RUBCNL: variants seen among roughly 807,000 people sequenced by gnomAD.
RUBCNL encodes the protein protein associated with UVRAG as autophagy enhancer.
Under a neutral mutation model 69.5 loss-of-function variants are expected in RUBCNL, and 62 were observed. The observed-to-expected ratio is 0.89, with a 90% CI of 0.73 to 1.10. The LOEUF is 1.10. Ranked by LOEUF, RUBCNL falls within the 50% of genes least tolerant of loss-of-function variation. The probability of loss-of-function intolerance (pLI) is 0.00; values close to 1 mark genes in which losing one functional copy is unlikely to be tolerated. For missense variants in RUBCNL, 768 were observed against 798.1 expected, an observed-to-expected ratio of 0.96 and a Z score of 0.45; for synonymous variants, 291 against 303.6, an observed-to-expected ratio of 0.96 and a Z score of 0.43.
intron 2 of RUBCNL, among the ~76,000 whole-genome samples, chr13:46,373,120 CGTGCCA>C (rs1373527200): frequency 2.0e-5 from 3 of 151,974 alleles, no homozygotes; most frequent in Non-Finnish European, 4.4e-5. Context: ...ATTACAGGCA[CGTGCCA>C]CCACGCCTGG....
At chr13:46,387,098 C>T in intron 1 of RUBCNL, 36 bp downstream of exon 1, 1 of 985,838 alleles carries the variant, frequency 1.0e-6, no homozygotes, top group South Asian at 4.7e-5. Context: ...CCACCCCGCG[C>T]CGCTCCCATC....
At chr13:46,360,455 A>G (rs1490805542) in intron 8 of RUBCNL, among the ~76,000 whole-genome samples, 1 of 152,236 alleles carries the variant, frequency 6.6e-6, no homozygotes, top group African/African-American at 2.4e-5. Flanking sequence ...AACCTCTCAG[A>G]CACAAATACT....
At chr13:46,355,294 CTT>C (rs34432929) in intron 10 of RUBCNL, among the ~76,000 whole-genome samples, 147 of 126,406 alleles carry the variant, frequency 1.2e-3, no homozygotes, top group African/African-American at 1.6e-3. Context: ...AAAGCCCGAG[CTT>C]TTTTTTTTTT....
At chr13:46,369,180 G>A (rs1400253392) in intron 3 of RUBCNL, among the ~76,000 whole-genome samples, 1 of 152,110 alleles carries the variant, frequency 6.6e-6, no homozygotes, top group African/African-American at 2.4e-5. Flanking sequence ...TTATGAGATC[G>A]CTTCTCTAGC....
intron 7 of RUBCNL, among the ~76,000 whole-genome samples, chr13:46,361,899 A>C (rs2048619924): frequency 6.6e-6 from 1 of 152,116 alleles, no homozygotes; most frequent in Non-Finnish European, 1.5e-5. Context: ...TATGAGTCTC[A>C]ATTTTTATGT....
At chr13:46,382,136 A>C (rs1437061598) in intron 1 of RUBCNL, among the ~76,000 whole-genome samples, 2 of 152,142 alleles carry the variant, frequency 1.3e-5, no homozygotes, top group African/African-American at 4.8e-5. Flanking sequence ...AGCATTTGGC[A>C]TGTAAATTCT....
chr13:46,379,726 C>CA (rs2049078239), intron 1 of RUBCNL, among the ~76,000 whole-genome samples: 1 of 152,204 alleles, frequency 6.6e-6, no homozygotes, highest in Admixed American at 6.5e-5. Flanking sequence ...TTACTAAGCA[C>CA]AGCCAGTAAT....
rs1459506259 is a variant in RUBCNL, at chr13:46,337,372, C to G, written c.*6013G>C. Among the ~76,000 whole-genome samples, 1 of 152,108 alleles carries G rather than the reference C, an allele frequency of 6.6e-6. No homozygotes were observed. The highest frequency in any genetic ancestry group is 6.6e-5 in the Admixed American group (1 of 15,262). On this transcript the variant is annotated 3_prime_UTR_variant, in exon 15 of 15. Transcript: ENST00000429979. ...CAGGATGGTCTCAATCTCCTGACCT[C>G]GTGATATGCCTGTCTCAGCCTGAGG... is the stretch of plus-strand genomic sequence containing the variant.
At chr13:46,383,351 T>C (rs2049162843) in intron 1 of RUBCNL, among the ~76,000 whole-genome samples, 1 of 152,162 alleles carries the variant, frequency 6.6e-6, no homozygotes, top group Non-Finnish European at 1.5e-5. Flanking sequence ...ACTGAGACCT[T>C]TCCCATCACC....
chr13:46,385,234 A>G, intron 1 of RUBCNL: 1 of 969,402 alleles, frequency 1.0e-6, no homozygotes, highest in Non-Finnish European at 1.2e-6. Flanking sequence ...GTTCAGAATA[A>G]GACAGCACAG....
rs1291475621 is a variant in RUBCNL, at chr13:46,377,982, C to T, written c.-215G>A. ...AGTCCATGCAGTAGTGACAGGAGGT[C>T]AATATCCCCATTTTTTATTTTATCT... On this transcript the variant is annotated 5_prime_UTR_variant, in exon 2 of 15. Transcript: ENST00000429979. 9 of 1,574,402 alleles carry T rather than the reference C, an allele frequency of 5.7e-6. No individual in the cohort carries two copies. The highest frequency in any genetic ancestry group is 7.7e-6 in the Non-Finnish European group (9 of 1,163,708).
At chr13:46,350,068 C>T (rs1406694844) in intron 11 of RUBCNL, 45 bp downstream of exon 11, 2 of 1,413,066 alleles carry the variant, frequency 1.4e-6, no homozygotes, top group Non-Finnish European at 1.9e-6. Flanking sequence ...TTTCCTGCCA[C>T]AGGACACTTC....
At chr13:46,369,862 T>C (rs1009662884) in intron 3 of RUBCNL, among the ~76,000 whole-genome samples, 1 of 152,232 alleles carries the variant, frequency 6.6e-6, no homozygotes, top group Non-Finnish European at 1.5e-5. Flanking sequence ...TTGCTTCATG[T>C]TCAAGAAAGT....
chr13:46,353,686 C>T (rs2048420226), intron 10 of RUBCNL, among the ~76,000 whole-genome samples: 1 of 152,192 alleles, frequency 6.6e-6, no homozygotes, highest in African/African-American at 2.4e-5. Context: ...AAATCCTGCT[C>T]CAAAACACAA....
intron 12 of RUBCNL, among the ~76,000 whole-genome samples, chr13:46,348,406 C>A (rs192361411): frequency 4.5e-4 from 68 of 152,154 alleles, no homozygotes; most frequent in Middle Eastern, 6.8e-3. Context: ...AGTTGTTCAT[C>A]CTCCAACTAA....
In RUBCNL at chr13:46,372,162, GACA is replaced by G; in HGVS notation, c.311_313del (p.Leu104del). The stretch of plus-strand genomic sequence containing the variant: ...GCCAACGGAGTCTGTGGTATCCTCA[GACA>G]ACGTTGTCTCTGCCAGGGAGTCCCC... On this transcript the variant is annotated inframe_deletion, in exon 3 of 15. Coordinates refer to ENST00000429979, the MANE Select transcript of RUBCNL (RefSeq NM_025113.5). 2 of 1,614,034 alleles carry G rather than the reference GACA, an allele frequency of 1.2e-6. No homozygotes were observed. The highest frequency in any genetic ancestry group is 1.7e-6 in the Non-Finnish European group (2 of 1,179,904).
Position 46,341,931 on chromosome 13 carries a change from ATG to A in RUBCNL, c.*1452_*1453del, listed in dbSNP as rs1486222435. ...ATATAGACATCTGCCTCAGAAAGGA[ATG>A]TGAACATACCACTCTTACCCTTGAT... On this transcript the variant is annotated 3_prime_UTR_variant, in exon 15 of 15. Transcript: ENST00000429979. 2.6e-5 allele frequency: 4 copies of A among 152,388 alleles called. No homozygotes were observed. The East Asian group carries it at 7.7e-4, about 29-fold the overall frequency. 9.4% of individuals were successfully genotyped at this position (152,388 alleles called of 1,614,324 possible). A position where few individuals can be genotyped will look rare whatever the true frequency, so the allele number is the denominator to read the frequency against.
rs2048570560 is a variant in RUBCNL at position 46,359,733 on chromosome 13, GA to G, written c.1120-103del. The G allele has an allele frequency of 3.4e-6, 4 of 1,184,966 alleles. No individual in the cohort carries two copies. In the East Asian group the frequency reaches 7.8e-5, roughly 23 times the overall value. The allele number at this position is 1,184,966 out of a possible 1,614,324, so 73.4% of individuals were successfully genotyped here. Reference sequence around the variant, plus strand: ...TATTTCCAACATTAAAATTTACCATGAAAAATTAACAGTGCTTTTAACTGAA... The same window carrying G: ...TATTTCCAACATTAAAATTTACCATGAAAATTAACAGTGCTTTTAACTGAA... On this transcript the variant is annotated intron_variant, in intron 8 of 14. Coordinates refer to ENST00000429979, the MANE Select transcript of RUBCNL (RefSeq NM_025113.5).
chr13:46,344,660 G>A, intron 14 of RUBCNL, 81 bp downstream of exon 14: 4 of 910,684 alleles, frequency 4.4e-6, no homozygotes, highest in Non-Finnish European at 6.9e-6. Context: ...TTCAGCTTAA[G>A]TTAATTTTGT....
Sources: allele counts gnomAD v4.1 joint callset (sites outside exome capture counted in the v4.1 genomes callset), GRCh38; gene constraint gnomAD v4.1.1; transcripts MANE v1.5; gene names NCBI Gene and HGNC (gene_info 2026-07-23, HGNC 2026-07-21).